The following FLVCR2 variants were observed in gnomAD, a reference collection of about 807,000 sequenced individuals.
The protein encoded by FLVCR2 is FLVCR choline and putative heme transporter 2.
In FLVCR2, 38 loss-of-function variants were observed where a neutral mutation model predicts 48.9. The ratio of observed to expected loss-of-function variants is 0.78; its 90% CI spans 0.60 to 1.02. FLVCR2 has a LOEUF of 1.02. Ranked by LOEUF, FLVCR2 falls within the 50% of genes least tolerant of loss-of-function variation. The pLI, the probability that FLVCR2 is intolerant of heterozygous loss-of-function variation, is 0.00. For missense variants in FLVCR2, 664 were observed against 663.3 expected, an observed-to-expected ratio of 1.00 and a Z score of -0.01; for synonymous variants, 255 against 257.0, an observed-to-expected ratio of 0.99 and a Z score of 0.07.
At chr14:75,608,485 G>A (rs1889354002) in intron 1 of FLVCR2, among the ~76,000 whole-genome samples, 1 of 152,160 alleles carries the variant, frequency 6.6e-6, no homozygotes, top group African/African-American at 2.4e-5. Context: ...TCTCTTCAGT[G>A]TAGGAAAATG....
intron 1 of FLVCR2, among the ~76,000 whole-genome samples, chr14:75,621,659 G>T (rs549294432): frequency 1.9e-4 from 29 of 152,278 alleles, no homozygotes; most frequent in Admixed American, 2.6e-4. Flanking sequence ...GGCTTGCAGG[G>T]TATAGAATTT....
chr14:75,601,204 T>C (rs1889158185), intron 1 of FLVCR2, among the ~76,000 whole-genome samples: 1 of 152,262 alleles, frequency 6.6e-6, no homozygotes, highest in South Asian at 2.1e-4. Flanking sequence ...GGAACACGCC[T>C]TTAAGACACA....
rs76982455 is a variant in FLVCR2 at position 75,642,473 on chromosome 14, T to C, written c.1509+575T>C. Among the ~76,000 whole-genome samples the C allele has an allele frequency of 9.7e-3, 1,471 of 152,292 alleles. 25 individuals carry two copies. Among genetic ancestry groups the C allele is most frequent in the African/African-American group, 0.034 (1,399 of 41,546 alleles). On this transcript the variant is annotated intron_variant, in intron 9 of 9. Transcript: ENST00000238667. Reference sequence around the variant, plus strand: ...AGGAGTATGACCTAGAACAGAAAAGTGTTTTCCATCTGTTCTAACCAGCTG... The same window carrying C: ...AGGAGTATGACCTAGAACAGAAAAGCGTTTTCCATCTGTTCTAACCAGCTG...
chr14:75,629,614 AC>A (rs1403269678), intron 3 of FLVCR2, among the ~76,000 whole-genome samples: 3 of 151,956 alleles, frequency 2.0e-5, no homozygotes, highest in Non-Finnish European at 4.4e-5. Flanking sequence ...GGAGAAAGGA[AC>A]CTTCCTCTGG....
chr14:75,640,485 T>A (rs1396166521), intron 6 of FLVCR2, among the ~76,000 whole-genome samples: 1 of 151,950 alleles, frequency 6.6e-6, no homozygotes, highest in Non-Finnish European at 1.5e-5. Context: ...GTGCTGGCAC[T>A]CAGTCCTCAG....
intron 1 of FLVCR2, chr14:75,604,263 A>G (rs996742258): frequency 6.6e-6 from 1 of 152,208 alleles, no homozygotes; most frequent in East Asian, 1.9e-4. Context: ...GGATGGGAGA[A>G]TACTGTCGCT....
At chr14:75,639,285 A>G in intron 5 of FLVCR2, 67 bp from the exon 6 acceptor site, 2 of 967,060 alleles carry the variant, frequency 2.1e-6, no homozygotes, top group Non-Finnish European at 3.4e-6. Context: ...TGCTTGTGGA[A>G]TAAATGAATG....
chr14:75,579,035 C>A lies in FLVCR2; in HGVS notation c.63C>A (p.Leu21=). ...ACACCCCTGTGCCGGAGTCCGCACT[C>A]CAAGCGGACCCCAGCGTCTCGGTCC... ...SDDTPVPESA[L]QADPSVSVHP... The change falls in exon 1 of 10, where the codon CTC becomes CTA. Residue 21 remains leucine (L), a synonymous_variant. Transcript: ENST00000238667. 1 of 1,614,118 alleles carries A rather than the reference C, an allele frequency of 6.2e-7. No homozygotes were observed. The highest frequency in any genetic ancestry group is 8.5e-7 in the Non-Finnish European group (1 of 1,180,004).
intron 6 of FLVCR2, among the ~76,000 whole-genome samples, chr14:75,639,674 C>A (rs955010865): frequency 1.3e-5 from 2 of 152,166 alleles, no homozygotes; most frequent in African/African-American, 2.4e-5. Context: ...AAGCATGAAG[C>A]ACACCCTTCG....
In FLVCR2 at chr14:75,635,117, C is replaced by T. The variant is rs1045752538; in HGVS notation, c.1124+104C>T. On this transcript the variant is annotated intron_variant, in intron 5 of 9. Transcript: ENST00000238667. ...AGTCATTGTTTGGAGATCCTAGTGG[C>T]CAAGCAGGTCATTCAAGTTTGACTT... 13 of 777,144 alleles carry T rather than the reference C, an allele frequency of 1.7e-5. No individual in the cohort carries two copies. The African/African-American group carries it at 1.7e-4, about 10-fold the overall frequency. The allele number at this position is 777,144 out of a possible 1,614,324, so 48.1% of individuals were successfully genotyped here. A position where few individuals can be genotyped will look rare whatever the true frequency, so the allele number is the denominator to read the frequency against.
intron 3 of FLVCR2, chr14:75,631,592 A>G (rs764257985): frequency 8.6e-5 from 30 of 349,938 alleles, no homozygotes; most frequent in Non-Finnish European, 1.4e-4. Context: ...GGCTCATCCC[A>G]GTTAGCAAAG....
chr14:75,645,316 G>A (rs768350780), intron 9 of FLVCR2, among the ~76,000 whole-genome samples: 1 of 152,180 alleles, frequency 6.6e-6, no homozygotes, highest in Non-Finnish European at 1.5e-5. Context: ...TCTAGGCCTT[G>A]AGTAGTGTTG....
chr14:75,633,168 T>C (rs768435281), intron 3 of FLVCR2, among the ~76,000 whole-genome samples: 2 of 152,044 alleles, frequency 1.3e-5, no homozygotes, highest in Non-Finnish European at 2.9e-5. Context: ...GGAGGAGGAA[T>C]GGAGAAAGAG....
At chr14:75,600,837 A>C (rs1889146260) in intron 1 of FLVCR2, among the ~76,000 whole-genome samples, 1 of 152,124 alleles carries the variant, frequency 6.6e-6, no homozygotes, top group Non-Finnish European at 1.5e-5. Context: ...TAAGGAATTA[A>C]TTTCTAGAAT....
intron 1 of FLVCR2, chr14:75,605,913 C>G: frequency 2.2e-6 from 1 of 444,470 alleles, no homozygotes; most frequent in Non-Finnish European, 4.2e-6. Flanking sequence ...GTTGACATGG[C>G]TGGGTCTCCT....
Position 75,623,106 on chromosome 14 carries a change from C to T in FLVCR2, c.811+886C>T, listed in dbSNP as rs751431763. Among the ~76,000 whole-genome samples, 4 of 152,092 alleles carry T rather than the reference C, an allele frequency of 2.6e-5. No homozygotes were observed. In the South Asian group the frequency reaches 6.2e-4, roughly 24 times the overall value. On this transcript the variant is annotated intron_variant, in intron 2 of 9. Transcript: ENST00000238667. ...AAGTGATTCTCCTGCCTCAGTCTCT[C>T]GAGTAGCTGAGATTACAGGTGCCTG... is the stretch of plus-strand genomic sequence containing the variant.
At chr14:75,629,729 G>C (rs945541807) in intron 3 of FLVCR2, among the ~76,000 whole-genome samples, 3 of 152,188 alleles carry the variant, frequency 2.0e-5, no homozygotes, top group African/African-American at 7.2e-5. Context: ...TTGTTGAAAA[G>C]GCTTCTCTTC....
chr14:75,596,360 C>A (rs1566784899), intron 1 of FLVCR2, among the ~76,000 whole-genome samples: 2 of 152,128 alleles, frequency 1.3e-5, no homozygotes, highest in Non-Finnish European at 2.9e-5. Flanking sequence ...TGAGACCACC[C>A]TCTGAAATGG....
chr14:75,634,871 C>A, intron 4 of FLVCR2, 39 bp from the exon 5 acceptor site: 1 of 1,413,836 alleles, frequency 7.1e-7, no homozygotes, highest in Non-Finnish European at 1.0e-6. Context: ...TGGGTCTTGT[C>A]CCATCGCCGG....
Sources: gnomAD v4.1 joint callset for allele counts (sites outside exome capture counted in the v4.1 genomes callset) on GRCh38, gnomAD v4.1.1 for gene constraint, MANE v1.5 for transcripts, NCBI Gene and HGNC (gene_info 2026-07-23, HGNC 2026-07-21) for gene names.